Variants in TMEM59 observed in about 807,000 individuals in gnomAD.
The protein encoded by TMEM59 is transmembrane protein 59.
In TMEM59, 44 loss-of-function variants were observed where a neutral mutation model predicts 42.2. The ratio of observed to expected loss-of-function variants is 1.04; its 90% confidence interval spans 0.82 to 1.34. The LOEUF is 1.34. Ranked by LOEUF, TMEM59 falls within the 40% of genes most tolerant of loss-of-function variation. The pLI, the probability that TMEM59 is intolerant of heterozygous loss-of-function variation, is 0.00. For synonymous variants in TMEM59, 148 were observed against 145.8 expected (o/e 1.02, Z -0.11); for missense variants, 359 against 382.8 (o/e 0.94, Z 0.52).
intron 4 of TMEM59, among the ~76,000 whole-genome samples, chr1:54,042,961 T>TTA (rs1215137516): frequency 6.6e-6 from 1 of 152,204 alleles, no homozygotes; most frequent in African/African-American, 2.4e-5. Context: ...CAAGTTCTCT[T>TTA]ATTAGAGTCA....
Position 54,032,054 on chromosome 1 carries a change from T to C in TMEM59, c.*96A>G, listed in dbSNP as rs1656780290. On this transcript the variant is annotated 3_prime_UTR_variant, in exon 8 of 8. Coordinates refer to ENST00000234831, the MANE Select transcript of TMEM59 (RefSeq NM_004872.5). ...TAACTTTATTTGCATTTTATAGTGA[T>C]TTCTTAAGGCCTATATCCAATGAAA... 1 of 1,126,894 alleles carries C rather than the reference T, an allele frequency of 8.9e-7. No homozygotes were observed. Among genetic ancestry groups the C allele is most frequent in the African/African-American group, 1.6e-5 (1 of 64,176 alleles). 69.8% of individuals were successfully genotyped at this position (1,126,894 alleles called of 1,614,324 possible).
Position 54,028,249 on chromosome 1 carries a change from G to A in TMEM59, c.*3901C>T, listed in dbSNP as rs571795611. The A allele has an allele frequency of 1.3e-5, 2 of 152,240 alleles. No homozygotes were observed. Among genetic ancestry groups the A allele is most frequent in the East Asian group, 3.9e-4 (2 of 5,190 alleles). The allele number at this position is 152,240 out of a possible 1,614,324, so 9.4% of individuals were successfully genotyped here. A position where few individuals can be genotyped will look rare whatever the true frequency, so the allele number is the denominator to read the frequency against. On this transcript the variant is annotated 3_prime_UTR_variant, in exon 8 of 8. Coordinates refer to ENST00000234831, the MANE Select transcript of TMEM59 (RefSeq NM_004872.5). ...AGGTTTACCATCCAGACAACAATGT[G>A]GGGGAGCAGAGAGAGCGTTATAGAG...
Position 54,041,723 on chromosome 1 carries a change from C to G in TMEM59, c.625+1G>C, listed in dbSNP as rs754591328. On this transcript the variant is annotated splice_donor_variant, in intron 5 of 7. Transcript: ENST00000234831. LOFTEE classifies it high-confidence loss of function. ...TCTAAGCTACTTAAAATAAAACTTA[C>G]AGGACATTTTGCTTAGAGATGATTC... is the stretch of plus-strand genomic sequence containing the variant. 1 of 1,611,816 alleles carries G rather than the reference C, an allele frequency of 6.2e-7. No individual in the cohort carries two copies. Among genetic ancestry groups the G allele is most frequent in the Admixed American group, 1.7e-5 (1 of 59,882 alleles).
chr1:54,040,713 C>T (rs1457555532), intron 6 of TMEM59, 43 bp downstream of exon 6: 1 of 1,453,796 alleles, frequency 6.9e-7, no homozygotes, highest in Non-Finnish European at 9.5e-7. Context: ...CTGATACAAG[C>T]CAGATTTTAT....
intron 1 of TMEM59, among the ~76,000 whole-genome samples, chr1:54,049,363 T>C (rs1657451154): frequency 6.6e-6 from 1 of 152,238 alleles, no homozygotes; most frequent in Non-Finnish European, 1.5e-5. Context: ...ATAGCATTAC[T>C]ACTATGTAGT....
At position 54,041,104 on chromosome 1, in the gene TMEM59, C is replaced by T. The variant is rs532632087; in HGVS notation, c.626-267G>A. ...CATGTGAGCTTGGATTTGGTTTATT[C>T]TAATCTAATTAAAGTTAAAGATGGT... is the stretch of plus-strand genomic sequence containing the variant. On this transcript the variant is annotated intron_variant, in intron 5 of 7. Coordinates refer to ENST00000234831, the MANE Select transcript of TMEM59 (RefSeq NM_004872.5). 2.6e-5 allele frequency among the ~76,000 whole-genome samples: 4 copies of T among 152,220 alleles called. No individual in the cohort carries two copies. In the East Asian group the frequency reaches 7.7e-4, roughly 29 times the overall value.
chr1:54,031,948 A>G lies in TMEM59; in HGVS notation c.*202T>C. ...ACAGATATTAGTAAAATAATAATAC[A>G]ATCCCAAACATCCACCTCTTAAATT... On this transcript the variant is annotated 3_prime_UTR_variant, in exon 8 of 8. Transcript: ENST00000234831. 1 of 444,240 alleles carries G rather than the reference A, an allele frequency of 2.3e-6. No homozygotes were observed. 27.5% of individuals were successfully genotyped at this position (444,240 alleles called of 1,614,324 possible).
chr1:54,043,432 T>C lies in TMEM59; in HGVS notation c.484A>G (p.Ile162Val), dbSNP rs756861100. The part of the protein sequence containing the change: ...SDMMDSAQSF[I>V]TSSWTFYLQA... ...AGATAAAAAGTCCATGAAGAGGTTA[T>C]GAAGCTCTGTGCGGAGTCCATCATG... The change falls in exon 4 of 8, where the codon ATA (isoleucine) becomes GTA (valine). Residue 162 changes from isoleucine (I) to valine (V), a missense_variant. Transcript: ENST00000234831. The C allele has an allele frequency of 9.5e-6, 15 of 1,584,326 alleles. No individual in the cohort carries two copies. Among genetic ancestry groups the C allele is most frequent in the Non-Finnish European group, 1.3e-5 (15 of 1,165,724 alleles).
In TMEM59 at chr1:54,029,076, C is replaced by T. The variant is rs563584263; in HGVS notation, c.*3074G>A. ...ACAAAAATGGCTCATTTATCTAAGA[C>T]AAATCCAGACAGACTAATAACAAAG... On this transcript the variant is annotated 3_prime_UTR_variant, in exon 8 of 8. Coordinates refer to ENST00000234831, the MANE Select transcript of TMEM59 (RefSeq NM_004872.5). 1.3e-5 allele frequency: 2 copies of T among 152,266 alleles called. No homozygotes were observed. Among genetic ancestry groups the T allele is most frequent in the African/African-American group, 4.8e-5 (2 of 41,558 alleles). The allele number at this position is 152,266 out of a possible 1,614,324, so 9.4% of individuals were successfully genotyped here.
intron 6 of TMEM59, among the ~76,000 whole-genome samples, chr1:54,037,810 AAT>A (rs932889569): frequency 1.3e-5 from 2 of 152,212 alleles, no homozygotes; most frequent in Admixed American, 1.3e-4. Context: ...AATAGAGTAA[AAT>A]ATGTTTTTAA....
At chr1:54,047,437 A>G (rs1657380466) in intron 1 of TMEM59, 65 bp from the exon 2 acceptor site, 2 of 1,312,864 alleles carry the variant, frequency 1.5e-6, no homozygotes, top group East Asian at 4.7e-5. Flanking sequence ...AGGGGAAAAC[A>G]GGTTAGGAAG....
intron 7 of TMEM59, chr1:54,034,658 C>T (rs1001889202): frequency 2.6e-5 from 4 of 152,218 alleles, no homozygotes; most frequent in African/African-American, 9.7e-5. Context: ...CTTGTAGTCC[C>T]AGCCACTCGG....
chr1:54,048,973 G>T (rs1657438471), intron 1 of TMEM59, among the ~76,000 whole-genome samples: 1 of 152,184 alleles, frequency 6.6e-6, no homozygotes, highest in Non-Finnish European at 1.5e-5. Context: ...AACAGTTAAA[G>T]AATTATTTTA....
chr1:54,048,655 G>C (rs1381741752), intron 1 of TMEM59: 8 of 450,194 alleles, frequency 1.8e-5, no homozygotes, highest in South Asian at 1.2e-4. Context: ...CTTACTATGT[G>C]ATCCACTGTG....
chr1:54,053,102 A>G lies in TMEM59; in HGVS notation c.87T>C (p.Gly29=). Residue 29 remains glycine (G), a synonymous_variant, in exon 1 of 8, where the codon GGT becomes GGC. Transcript: ENST00000234831. ...ATGCTTCAGCCGAAGCGGTCCCCGA[A>G]CCTCCGGCCAAGGCCATGGTCAGCA... ...LLLLTMALAG[G]SGTASAEAFD... is the part of the protein sequence containing the mutation. The G allele has an allele frequency of 6.2e-7, 1 of 1,614,086 alleles. No homozygotes were observed. Among genetic ancestry groups the G allele is most frequent in the South Asian group, 1.1e-5 (1 of 91,080 alleles).
intron 6 of TMEM59, among the ~76,000 whole-genome samples, chr1:54,039,290 A>G (rs999508548): frequency 5.9e-5 from 9 of 152,188 alleles, no homozygotes; most frequent in Admixed American, 4.6e-4. Flanking sequence ...ATGTAAAAAA[A>G]CAACATAACA....
At chr1:54,051,207 T>A (rs1324952823) in intron 1 of TMEM59, among the ~76,000 whole-genome samples, 3 of 152,204 alleles carry the variant, frequency 2.0e-5, no homozygotes, top group Non-Finnish European at 2.9e-5. Flanking sequence ...GTAGCCAGTT[T>A]TAAGCTGAAT....
At chr1:54,035,969 A>G (rs1350078668) in intron 7 of TMEM59, among the ~76,000 whole-genome samples, 2 of 152,150 alleles carry the variant, frequency 1.3e-5, no homozygotes, top group African/African-American at 4.8e-5. Context: ...TAATTAATTT[A>G]AACTATTAAG....
intron 1 of TMEM59, among the ~76,000 whole-genome samples, chr1:54,049,347 T>A (rs1226833859): frequency 1.3e-5 from 2 of 152,230 alleles, no homozygotes; most frequent in Admixed American, 1.3e-4. Context: ...TATATTTATA[T>A]CTACAATAGC....
Sources: allele counts gnomAD v4.1 joint callset (sites outside exome capture counted in the v4.1 genomes callset), GRCh38; gene constraint gnomAD v4.1.1; transcripts MANE v1.5; gene names NCBI Gene and HGNC (gene_info 2026-07-23, HGNC 2026-07-21).